Variants in SYNDIG1 observed in about 807,000 individuals in gnomAD.
The protein encoded by SYNDIG1 is synapse differentiation inducing 1, also known as synapse differentiation-inducing gene protein 1.
SYNDIG1 carries 9 observed loss-of-function variants against 19.4 expected under a neutral mutation model. That is an observed-to-expected ratio of 0.46 (90% CI 0.28 to 0.81). The LOEUF (loss-of-function observed/expected upper bound fraction) is 0.81. SYNDIG1 is among the 30% of genes least tolerant of loss of function. The pLI is 0.12. For synonymous variants in SYNDIG1, 141 were observed against 145.9 expected (o/e 0.97, Z 0.24); for missense variants, 311 against 343.3 (o/e 0.91, Z 0.74).
At chr20:24,655,089 A>G (rs6049833) in intron 3 of SYNDIG1, among the ~76,000 whole-genome samples, 101,331 of 152,116 alleles carry the variant, frequency 0.67, 35,314 homozygotes, top group African/African-American at 0.87. Flanking sequence ...CTGTAACGTC[A>G]AAGGGAAGCA....
intron 3 of SYNDIG1, among the ~76,000 whole-genome samples, chr20:24,611,426 A>T (rs1421492859): frequency 1.3e-5 from 2 of 152,194 alleles, no homozygotes; most frequent in Non-Finnish European, 2.9e-5. Context: ...GATTCTCTGC[A>T]GAGCTCACTC....
At chr20:24,659,978 A>G (rs188360956) in intron 3 of SYNDIG1, among the ~76,000 whole-genome samples, 82 of 152,280 alleles carry the variant, frequency 5.4e-4, no homozygotes, top group Non-Finnish European at 9.3e-4. Flanking sequence ...AGAAGTATCC[A>G]TGAACCTGTT....
chr20:24,557,341 C>G (rs1458531385), intron 2 of SYNDIG1, among the ~76,000 whole-genome samples: 1 of 152,236 alleles, frequency 6.6e-6, no homozygotes, highest in Non-Finnish European at 1.5e-5. Context: ...TGTTCCGTTG[C>G]TGGTGAGGAA....
intron 1 of SYNDIG1, among the ~76,000 whole-genome samples, chr20:24,508,967 G>A (rs958758946): frequency 2.6e-5 from 4 of 152,172 alleles, no homozygotes; most frequent in Admixed American, 6.5e-5. Flanking sequence ...CATTCATGGC[G>A]ATTTAAGAAA....
chr20:24,550,519 T>C (rs1266468123), intron 2 of SYNDIG1, among the ~76,000 whole-genome samples: 3 of 151,966 alleles, frequency 2.0e-5, no homozygotes, highest in Non-Finnish European at 4.4e-5. Flanking sequence ...CTGCTTTTTT[T>C]TTTTTTTGAG....
At chr20:24,519,763 T>TTTCTCCCTCCTTCTCC (rs1342664794) in intron 1 of SYNDIG1, among the ~76,000 whole-genome samples, 4 of 152,014 alleles carry the variant, frequency 2.6e-5, no homozygotes, top group Non-Finnish European at 5.9e-5. Context: ...TCTCTTTCTC[T>TTTCTCCCTCCTTCTCC]TTCTCCCTCC....
chr20:24,597,843 T>TCAG (rs2058620420), intron 3 of SYNDIG1, among the ~76,000 whole-genome samples: 2 of 152,170 alleles, frequency 1.3e-5, no homozygotes, highest in African/African-American at 4.8e-5. Flanking sequence ...AGCCCCTCCA[T>TCAG]AGCTTTGGTG....
chr20:24,556,595 G>A lies in SYNDIG1; in HGVS notation c.480+13018G>A, dbSNP rs533096510. ...AGTTTGGCGGGATATGAATTTCTGG[G>A]TTGAAAATTCTTTTCTTTAAGAATG... is the stretch of plus-strand genomic sequence containing the variant. On this transcript the variant is annotated intron_variant, in intron 2 of 3. Coordinates refer to ENST00000376862, the MANE Select transcript of SYNDIG1 (RefSeq NM_024893.3). Among the ~76,000 whole-genome samples the A allele has an allele frequency of 3.9e-5, 6 of 152,260 alleles. No individual in the cohort carries two copies. In the East Asian group the frequency reaches 9.7e-4, roughly 25 times the overall value.
intron 3 of SYNDIG1, among the ~76,000 whole-genome samples, chr20:24,592,062 G>C (rs962049126): frequency 1.3e-5 from 2 of 152,170 alleles, no homozygotes; most frequent in Non-Finnish European, 2.9e-5. Flanking sequence ...ATTTAATTAT[G>C]GGAGAGAACC....
At chr20:24,638,768 A>G (rs2059342246) in intron 3 of SYNDIG1, among the ~76,000 whole-genome samples, 1 of 152,246 alleles carries the variant, frequency 6.6e-6, no homozygotes, top group Non-Finnish European at 1.5e-5. Context: ...GGCATATTAA[A>G]TGTGGAAGCA....
At chr20:24,647,674 G>A (rs781600713) in intron 3 of SYNDIG1, among the ~76,000 whole-genome samples, 1 of 151,776 alleles carries the variant, frequency 6.6e-6, no homozygotes, top group Non-Finnish European at 1.5e-5. Flanking sequence ...AGTTAAGAAG[G>A]CCCAGCAAGC....
chr20:24,586,945 A>G (rs2058427660), intron 3 of SYNDIG1, among the ~76,000 whole-genome samples: 1 of 152,238 alleles, frequency 6.6e-6, no homozygotes, highest in Admixed American at 6.5e-5. Flanking sequence ...TTATAATAAT[A>G]AAGAGCAAGG....
chr20:24,493,238 CTT>C (rs1434967913), intron 1 of SYNDIG1, among the ~76,000 whole-genome samples: 3 of 152,254 alleles, frequency 2.0e-5, no homozygotes, highest in African/African-American at 4.8e-5. Flanking sequence ...AATGAACTCA[CTT>C]TCCTAGTTGT....
At chr20:24,629,601 T>C (rs1370140843) in intron 3 of SYNDIG1, among the ~76,000 whole-genome samples, 2 of 151,294 alleles carry the variant, frequency 1.3e-5, no homozygotes, top group Non-Finnish European at 1.5e-5. Flanking sequence ...GTCAAGACCA[T>C]ACAAATAAGC....
chr20:24,471,908 T>C (rs2055476722), intron 1 of SYNDIG1, among the ~76,000 whole-genome samples: 1 of 152,186 alleles, frequency 6.6e-6, no homozygotes, highest in Non-Finnish European at 1.5e-5. Context: ...TTGTACCCCA[T>C]AAACATACAC....
In SYNDIG1 at chr20:24,543,446, G is replaced by A. The variant is rs140823969; in HGVS notation, c.349G>A (p.Glu117Lys). 4.8e-5 allele frequency: 77 copies of A among 1,613,474 alleles called. No individual in the cohort carries two copies. The highest frequency in any genetic ancestry group is 1.7e-4 in the African/African-American group (13 of 74,902). The part of the protein sequence containing the change: ...AADCCETTFI[E>K]DRSPTKDSLE... ...CGACTGCTGCGAGACCACCTTCATC[G>A]AGGACCGGTCGCCCACCAAAGACAG... Residue 117 changes from glutamate to lysine, a missense_variant, in exon 2 of 4, where the codon GAG (glutamate) becomes AAG (lysine). Coordinates refer to ENST00000376862, the MANE Select transcript of SYNDIG1 (RefSeq NM_024893.3).
intron 3 of SYNDIG1, among the ~76,000 whole-genome samples, chr20:24,595,489 A>T (rs1303499093): frequency 1.3e-5 from 2 of 152,170 alleles, no homozygotes; most frequent in Non-Finnish European, 2.9e-5. Context: ...AGGTTTTGGT[A>T]CCAGGATGAT....
intron 1 of SYNDIG1, among the ~76,000 whole-genome samples, chr20:24,532,046 G>A (rs966980137): frequency 5.3e-5 from 8 of 152,140 alleles, no homozygotes; most frequent in African/African-American, 1.9e-4. Context: ...TTGTGTTCCA[G>A]GCCATACACA....
intron 3 of SYNDIG1, among the ~76,000 whole-genome samples, chr20:24,597,717 G>A (rs181586882): frequency 7.4e-4 from 113 of 152,278 alleles, no homozygotes; most frequent in African/African-American, 2.6e-3. Context: ...AGCGAACACG[G>A]GGGAAATGGA....
Sources: gnomAD v4.1 joint callset for allele counts (sites outside exome capture counted in the v4.1 genomes callset) on GRCh38, gnomAD v4.1.1 for gene constraint, MANE v1.5 for transcripts, NCBI Gene and HGNC (gene_info 2026-07-23, HGNC 2026-07-21) for gene names.